Variants in NCAPD3 observed in about 807,000 individuals in gnomAD.
NCAPD3 encodes condensin-2 complex subunit D3.
Under a neutral mutation model 182.9 loss-of-function variants are expected in NCAPD3, and 105 were observed. That is an observed-to-expected ratio of 0.57 (90% CI 0.49 to 0.68). NCAPD3 has a LOEUF of 0.68. Among genes scored for constraint, NCAPD3 ranks in the 30% least tolerant of loss-of-function variants. NCAPD3 has a pLI of 0.00. For missense variants in NCAPD3, 1,944 were observed against 1,837.0 expected, an observed-to-expected ratio of 1.06 and a Z score of -1.07; for synonymous variants, 815 against 679.9, an observed-to-expected ratio of 1.20 and a Z score of -3.09.
At chr11:134,159,274 C>A (rs1384330385) in intron 29 of NCAPD3, among the ~76,000 whole-genome samples, 1 of 152,208 alleles carries the variant, frequency 6.6e-6, no homozygotes, top group Admixed American at 6.5e-5. Context: ...TCCATCCCTA[C>A]CAACAGTGTA....
chr11:134,195,496 ATATT>A lies in NCAPD3; in HGVS notation c.1616-762_1616-759del, dbSNP rs1944608985. Among the ~76,000 whole-genome samples, 6 of 152,340 alleles carry A rather than the reference ATATT, an allele frequency of 3.9e-5. No individual in the cohort carries two copies. In the South Asian group the frequency reaches 1.2e-3, roughly 32 times the overall value. ...GAAATTTAAACTGAGAATTGTAAAA[ATATT>A]TATTAATTCATTTTAAAAGAGCAAG... On this transcript the variant is annotated intron_variant, in intron 13 of 34. Coordinates refer to ENST00000534548, the MANE Select transcript of NCAPD3 (RefSeq NM_015261.3).
Position 134,193,983 on chromosome 11 carries a change from C to T in NCAPD3, c.1824+33G>A, listed in dbSNP as rs1240012771. 12 of 1,573,878 alleles carry T rather than the reference C, an allele frequency of 7.6e-6. No individual in the cohort carries two copies. The East Asian group carries it at 2.3e-4, about 30-fold the overall frequency. ...TGGAATTACTTTTAATGTAAAATAC[C>T]ATGCATTACATATATAATGTCCTGC... is the stretch of plus-strand genomic sequence containing the variant. On this transcript the variant is annotated intron_variant, in intron 15 of 34. Transcript: ENST00000534548.
chr11:134,223,240 A>G (rs931080458), intron 1 of NCAPD3: 1 of 585,246 alleles, frequency 1.7e-6, no homozygotes, highest in East Asian at 2.8e-5. Flanking sequence ...TTAACATCAG[A>G]AAGCAGCTAA....
At position 134,177,389 on chromosome 11, in the gene NCAPD3, C is replaced by T. The variant is rs752932392; in HGVS notation, c.2851G>A (p.Val951Met). Residue 951 changes from valine (V) to methionine (M), a missense_variant, in exon 23 of 35, where the codon GTG (valine) becomes ATG (methionine). Around this residue, in one of 3 missense-constraint regions of NCAPD3, gnomAD observed 1,803 missense variants for 1,674.6 expected, o/e 1.08. Coordinates refer to ENST00000534548, the MANE Select transcript of NCAPD3 (RefSeq NM_015261.3). ...TTGCGGACAGCCACGTCCTCACACA[C>T]CTCGAGCTCTCGCACCAGGGCTGGG... ...SIPALVRELEVCEDVAVRNNV... is the reference protein window; with the variant it reads ...SIPALVRELEMCEDVAVRNNV... The T allele has an allele frequency of 1.2e-6, 2 of 1,614,242 alleles. No individual in the cohort carries two copies. Among genetic ancestry groups the T allele is most frequent in the South Asian group, 1.1e-5 (1 of 91,090 alleles).
Position 134,157,698 on chromosome 11 carries a change from G to T in NCAPD3, c.4174+230C>A, listed in dbSNP as rs548140459. The stretch of plus-strand genomic sequence containing the variant: ...TGTGTGTAAGAGGAACAGAATAGCT[G>T]GAGGAAGGAATGCCTCACTGCTATG... On this transcript the variant is annotated intron_variant, in intron 31 of 34. Coordinates refer to ENST00000534548, the MANE Select transcript of NCAPD3 (RefSeq NM_015261.3). Among the ~76,000 whole-genome samples the T allele has an allele frequency of 5.9e-5, 9 of 152,294 alleles. No homozygotes were observed. In the South Asian group the frequency reaches 1.9e-3, roughly 32 times the overall value.
At chr11:134,165,263 G>A (rs1943739169) in intron 27 of NCAPD3, among the ~76,000 whole-genome samples, 1 of 150,314 alleles carries the variant, frequency 6.7e-6, no homozygotes, top group South Asian at 2.1e-4. Flanking sequence ...ATAAGCTGAG[G>A]GGGAGCTGCA....
At chr11:134,206,543 GC>G in intron 8 of NCAPD3, 55 bp downstream of exon 8, 1 of 1,596,100 alleles carries the variant, frequency 6.3e-7, no homozygotes, top group Non-Finnish European at 8.6e-7. Context: ...TTAGTGCAGG[GC>G]CCAGAGTACT....
In NCAPD3 at chr11:134,185,514, AT is replaced by A; in HGVS notation, c.2057del (p.Asn686IlefsTer18). The A allele has an allele frequency of 6.3e-7, 1 of 1,588,958 alleles. No homozygotes were observed. Among genetic ancestry groups the A allele is most frequent in the East Asian group, 2.2e-5 (1 of 44,572 alleles). Reference sequence around the variant, plus strand: ...TCTTGGACCAGATATGAAAAGCCTTATTTAAATATCGGCTGGAAAAAAAAAA... The same window carrying A: ...TCTTGGACCAGATATGAAAAGCCTTATTAAATATCGGCTGGAAAAAAAAAA... ...TESQELSRYLNKAFHIWSKKE... is the reference protein window; with the variant it reads ...TESQELSRYLXKAFHIWSKKE... On this transcript the variant is annotated frameshift_variant, in exon 17 of 35. Coordinates refer to ENST00000534548, the MANE Select transcript of NCAPD3 (RefSeq NM_015261.3). LOFTEE classifies it high-confidence loss of function.
chr11:134,167,129 T>G lies in NCAPD3; in HGVS notation c.3573+867A>C, dbSNP rs1333481274. ...GGGAGCTGCACACTCACTTGTGAGATGAGCTTGGGGGAGGGGCACACTCAC... is the reference window on the plus strand; with the variant it reads ...GGGAGCTGCACACTCACTTGTGAGAGGAGCTTGGGGGAGGGGCACACTCAC... On this transcript the variant is annotated intron_variant, in intron 27 of 34. Coordinates refer to ENST00000534548, the MANE Select transcript of NCAPD3 (RefSeq NM_015261.3). Among the ~76,000 whole-genome samples the G allele has an allele frequency of 3.1e-5, 3 of 97,546 alleles. 1 individual carries two copies. The highest frequency in any genetic ancestry group is 5.8e-5 in the Non-Finnish European group (3 of 51,326). 64.0% of individuals were successfully genotyped at this position (97,546 alleles called of 152,430 possible).
chr11:134,179,030 C>T, intron 20 of NCAPD3, 94 bp from the exon 21 acceptor site: 1 of 795,584 alleles, frequency 1.3e-6, no homozygotes. Context: ...TTTCCTTTAT[C>T]CCCCAAATTT....
chr11:134,216,803 G>C (rs145672187), intron 3 of NCAPD3, 133 bp downstream of exon 3: 40 of 821,152 alleles, frequency 4.9e-5, no homozygotes, highest in Non-Finnish European at 6.2e-5. Context: ...CTTGCTCCTC[G>C]CAACAACTCT....
At chr11:134,172,025 A>C (rs1944017864) in intron 24 of NCAPD3, among the ~76,000 whole-genome samples, 1 of 152,164 alleles carries the variant, frequency 6.6e-6, no homozygotes, top group Non-Finnish European at 1.5e-5. Flanking sequence ...GGAAACCTAC[A>C]CATAGCGTGT....
chr11:134,219,320 T>C (rs950442661), intron 2 of NCAPD3, among the ~76,000 whole-genome samples: 2 of 152,160 alleles, frequency 1.3e-5, no homozygotes, highest in Non-Finnish European at 2.9e-5. Flanking sequence ...TTTCACAGTG[T>C]GGTTCGTAGA....
chr11:134,190,348 T>A (rs1229568412), intron 16 of NCAPD3, among the ~76,000 whole-genome samples: 3 of 152,360 alleles, frequency 2.0e-5, no homozygotes, highest in East Asian at 3.9e-4. Flanking sequence ...TCATCTCAGT[T>A]AATCATCCTC....
At chr11:134,179,062 G>A (rs569522796) in intron 20 of NCAPD3, 126 bp from the exon 21 acceptor site, 15 of 658,850 alleles carry the variant, frequency 2.3e-5, no homozygotes, top group South Asian at 8.3e-5. Flanking sequence ...ACTAGTTTTC[G>A]TTTCATAAAA....
At chr11:134,161,030 G>A (rs972731525) in intron 28 of NCAPD3, among the ~76,000 whole-genome samples, 1 of 151,512 alleles carries the variant, frequency 6.6e-6, no homozygotes, top group African/African-American at 2.4e-5. Context: ...CATACAATGA[G>A]ACTATCTTTC....
intron 22 of NCAPD3, chr11:134,177,714 T>C: frequency 4.3e-6 from 2 of 465,210 alleles, no homozygotes; most frequent in Non-Finnish European, 7.6e-6. Flanking sequence ...TCATCTTCCT[T>C]TTAAAGTCAA....
chr11:134,194,808 C>A, intron 13 of NCAPD3, 70 bp from the exon 14 acceptor site: 2 of 1,020,010 alleles, frequency 2.0e-6, no homozygotes, highest in Non-Finnish European at 3.0e-6. Flanking sequence ...TTTCACCACA[C>A]AATACCCAGA....
At chr11:134,182,418 CT>C (rs1366792609) in intron 19 of NCAPD3, among the ~76,000 whole-genome samples, 4 of 152,216 alleles carry the variant, frequency 2.6e-5, no homozygotes, top group African/African-American at 9.6e-5. Flanking sequence ...ATTCTTTTAT[CT>C]GAAAGTCCTT....
Sources: gnomAD v4.1 joint callset for allele counts (sites outside exome capture counted in the v4.1 genomes callset) on GRCh38, gnomAD v4.1.1 for gene constraint, gnomAD v4.1.1 regional missense constraint, MANE v1.5 for transcripts, NCBI Gene and HGNC (gene_info 2026-07-23, HGNC 2026-07-21) for gene names.